ATF7: variants seen among roughly 807,000 people sequenced by gnomAD.
The protein encoded by ATF7 is activating transcription factor 7.
In ATF7, 10 loss-of-function variants were observed where a neutral mutation model predicts 50.4. That is an observed-to-expected ratio of 0.20 (90% CI 0.12 to 0.34). The LOEUF (loss-of-function observed/expected upper bound fraction) is 0.34, where lower values mean the gene tolerates loss of function less well. Ranked by LOEUF, ATF7 falls within the 10% of genes least tolerant of loss-of-function variation. The pLI, the probability that ATF7 is intolerant of heterozygous loss-of-function variation, is 1.00. For missense variants in ATF7, 465 were observed against 613.9 expected, an observed-to-expected ratio of 0.76 and a Z score of 2.56; for synonymous variants, 201 against 226.4, an observed-to-expected ratio of 0.89 and a Z score of 1.01.
intron 2 of ATF7, among the ~76,000 whole-genome samples, chr12:53,583,657 C>G (rs1421152205): frequency 6.6e-6 from 1 of 151,982 alleles, no homozygotes; most frequent in Non-Finnish European, 1.5e-5. Context: ...TTTTTAAATA[C>G]AACACCAAAG....
At chr12:53,557,436 A>G (rs1194010785) in intron 2 of ATF7, among the ~76,000 whole-genome samples, 1 of 152,204 alleles carries the variant, frequency 6.6e-6, no homozygotes, top group Admixed American at 6.5e-5. Flanking sequence ...TCCTGAGCCC[A>G]AGTGATCTGC....
At chr12:53,557,341 ACAGGCATGCACCACCATGTT>A (rs2137538546) in intron 2 of ATF7, among the ~76,000 whole-genome samples, 1 of 152,068 alleles carries the variant, frequency 6.6e-6, no homozygotes, top group Non-Finnish European at 1.5e-5. Flanking sequence ...AGCTGGGACT[ACAGGCATGCACCACCATGTT>A]CAGGCAATTT....
intron 9 of ATF7, among the ~76,000 whole-genome samples, chr12:53,527,072 T>C (rs1938522416): frequency 6.6e-6 from 1 of 151,472 alleles, no homozygotes. Flanking sequence ...GGCAGGAGAA[T>C]CGGTTGAACC....
intron 1 of ATF7, among the ~76,000 whole-genome samples, chr12:53,617,043 G>C (rs1246541649): frequency 2.6e-5 from 4 of 151,974 alleles, no homozygotes; most frequent in Non-Finnish European, 5.9e-5. Flanking sequence ...CTTTCTTTGA[G>C]ACAGGGTATC....
At position 53,532,639 on chromosome 12, in the gene ATF7, GAAAAA is replaced by G; in HGVS notation, c.661-21_661-17del. ...GTCTGGCCAGCTGGATCGAGAGAAG[GAAAAA>G]AAAAAAAAGAGAAGGGAACATAATA... is the stretch of plus-strand genomic sequence containing the variant. On this transcript the variant is annotated splice_polypyrimidine_tract_variant and intron_variant, in intron 7 of 11. Transcript: ENST00000420353. 1 of 1,206,924 alleles carries G rather than the reference GAAAAA, an allele frequency of 8.3e-7. No homozygotes were observed. Among genetic ancestry groups the G allele is most frequent in the Non-Finnish European group, 1.1e-6 (1 of 874,556 alleles). The allele number at this position is 1,206,924 out of a possible 1,614,324, so 74.8% of individuals were successfully genotyped here.
intron 2 of ATF7, among the ~76,000 whole-genome samples, chr12:53,572,733 G>A (rs1387107138): frequency 1.3e-5 from 2 of 151,966 alleles, no homozygotes; most frequent in African/African-American, 4.8e-5. Context: ...GACCGCTTGA[G>A]CCCAGGAGTT....
At chr12:53,574,818 A>T (rs1420558925) in intron 2 of ATF7, 1 of 268,956 alleles carries the variant, frequency 3.7e-6, no homozygotes, top group Non-Finnish European at 7.1e-6. Context: ...CCAGGCCCAA[A>T]TGGGAAATCC....
intron 2 of ATF7, among the ~76,000 whole-genome samples, chr12:53,599,896 T>C (rs974346992): frequency 2.0e-5 from 3 of 151,652 alleles, no homozygotes; most frequent in African/African-American, 7.3e-5. Context: ...TCATCCTTTG[T>C]GGAACATGGC....
intron 2 of ATF7, among the ~76,000 whole-genome samples, chr12:53,588,924 A>C (rs1358417166): frequency 6.6e-6 from 1 of 152,136 alleles, no homozygotes; most frequent in East Asian, 1.9e-4. Context: ...TTTCATAAGA[A>C]TTTACACCTT....
Position 53,618,935 on chromosome 12 carries a change from C to T in ATF7, c.-22+7344G>A, listed in dbSNP as rs539621184. 3.4e-4 allele frequency among the ~76,000 whole-genome samples: 52 copies of T among 151,772 alleles called. No homozygotes were observed. In the South Asian group the frequency reaches 0.011, roughly 31 times the overall value. On this transcript the variant is annotated intron_variant, in intron 1 of 11. Transcript: ENST00000420353. ...GGCGCAGTGGTGGGCACCTGTAGTC[C>T]CAGCTACTTGGGAGGCTGAGGCATG...
Position 53,512,402 on chromosome 12 carries a change from T to C in ATF7, c.*4735A>G, listed in dbSNP as rs990244292. 1 of 152,242 alleles carries C rather than the reference T, an allele frequency of 6.6e-6. No individual in the cohort carries two copies. The highest frequency in any genetic ancestry group is 2.4e-5 in the African/African-American group (1 of 41,450). The allele number at this position is 152,242 out of a possible 1,614,324, so 9.4% of individuals were successfully genotyped here. A position where few individuals can be genotyped will look rare whatever the true frequency, so the allele number is the denominator to read the frequency against. On this transcript the variant is annotated 3_prime_UTR_variant, in exon 12 of 12. Transcript: ENST00000420353. ...ACCCAGACCGAGTTGAGTTCCTTGA[T>C]AAGATGGAGAGGTGTTGCTACATGT...
At chr12:53,596,928 A>G (rs1943181817) in intron 2 of ATF7, among the ~76,000 whole-genome samples, 1 of 152,220 alleles carries the variant, frequency 6.6e-6, no homozygotes, top group Non-Finnish European at 1.5e-5. Context: ...GTCCTCTGCC[A>G]AGAGGGTATC....
chr12:53,535,817 T>G (rs1244870987), intron 5 of ATF7, among the ~76,000 whole-genome samples: 1 of 152,128 alleles, frequency 6.6e-6, no homozygotes, highest in Admixed American at 6.6e-5. Flanking sequence ...ACTTATTAAT[T>G]GAAGTATAAC....
chr12:53,622,688 G>T (rs1431744036), intron 1 of ATF7, among the ~76,000 whole-genome samples: 2 of 151,952 alleles, frequency 1.3e-5, no homozygotes, highest in South Asian at 4.2e-4. Context: ...AGAACTTGGG[G>T]TATTTACCCC....
At chr12:53,602,884 C>T (rs1447053753) in intron 1 of ATF7, among the ~76,000 whole-genome samples, 1 of 152,166 alleles carries the variant, frequency 6.6e-6, no homozygotes, top group Non-Finnish European at 1.5e-5. Flanking sequence ...TAAATAAATG[C>T]AATGACCAGG....
intron 2 of ATF7, among the ~76,000 whole-genome samples, chr12:53,569,985 ATTT>A (rs910144408): frequency 1.3e-5 from 2 of 152,084 alleles, no homozygotes; most frequent in African/African-American, 2.4e-5. Flanking sequence ...CCATTCAAAT[ATTT>A]TTTATTGAGC....
At chr12:53,537,735 G>A (rs941324515) in intron 4 of ATF7, among the ~76,000 whole-genome samples, 183 bp from the exon 5 acceptor site, 4 of 151,606 alleles carry the variant, frequency 2.6e-5, no homozygotes, top group Admixed American at 2.0e-4. Flanking sequence ...ATTTTGAGGC[G>A]TAGTTTCAAT....
chr12:53,520,702 A>C (rs1427902988), intron 11 of ATF7, among the ~76,000 whole-genome samples: 2 of 152,138 alleles, frequency 1.3e-5, no homozygotes, highest in African/African-American at 4.8e-5. Context: ...TGAGTTCCTG[A>C]TATACCTCCC....
chr12:53,555,412 T>C (rs957717523), intron 2 of ATF7, among the ~76,000 whole-genome samples: 1 of 151,228 alleles, frequency 6.6e-6, no homozygotes, highest in Non-Finnish European at 1.5e-5. Flanking sequence ...AACAAGTCAC[T>C]GTAGAGGGTC....
Sources: gnomAD v4.1 joint callset for allele counts (sites outside exome capture counted in the v4.1 genomes callset) on GRCh38, gnomAD v4.1.1 for gene constraint, MANE v1.5 for transcripts, NCBI Gene and HGNC (gene_info 2026-07-23, HGNC 2026-07-21) for gene names.